The following COL22A1 variants were observed in gnomAD, a reference collection of about 807,000 sequenced individuals.
COL22A1 encodes the protein collagen alpha-1(XXII) chain.
COL22A1 carries 221 observed loss-of-function variants against 248.9 expected under a neutral mutation model. That is an observed-to-expected ratio of 0.89 (90% CI 0.80 to 0.99). COL22A1 has a LOEUF of 0.99. COL22A1 is among the 50% of genes least tolerant of loss of function. The probability of loss-of-function intolerance (pLI) is 0.00; values close to 1 mark genes in which losing one functional copy is unlikely to be tolerated. For missense variants in COL22A1, 2,240 were observed against 2,179.0 expected (o/e 1.03, Z -0.56); for synonymous variants, 891 against 793.4 (o/e 1.12, Z -2.07).
chr8:138,900,123 T>C (rs1814432680), intron 1 of COL22A1, among the ~76,000 whole-genome samples: 1 of 152,204 alleles, frequency 6.6e-6, no homozygotes, highest in East Asian at 1.9e-4. Context: ...TGCCAAAGAC[T>C]ATACCGCCCA....
intron 22 of COL22A1, among the ~76,000 whole-genome samples, chr8:138,741,310 A>T (rs1472346355): frequency 1.3e-5 from 2 of 152,240 alleles, no homozygotes; most frequent in African/African-American, 4.8e-5. Flanking sequence ...CCAAGAGCTA[A>T]CAAGTTAGAA....
At chr8:138,810,015 G>A (rs1818072339) in intron 9 of COL22A1, among the ~76,000 whole-genome samples, 2 of 152,172 alleles carry the variant, frequency 1.3e-5, no homozygotes, top group Non-Finnish European at 2.9e-5. Flanking sequence ...TCAATCTAAT[G>A]TGATAATTGT....
intron 39 of COL22A1, among the ~76,000 whole-genome samples, chr8:138,683,084 T>G (rs1587851272): frequency 6.6e-6 from 1 of 152,358 alleles, no homozygotes. Flanking sequence ...GAGCCCCCTC[T>G]GAGCCCACAT....
chr8:138,886,581 G>A (rs1409627401), intron 1 of COL22A1, among the ~76,000 whole-genome samples: 6 of 152,170 alleles, frequency 3.9e-5, no homozygotes, highest in African/African-American at 1.4e-4. Context: ...ATTCTGCCTA[G>A]GACTTACTAG....
chr8:138,716,140 C>T, intron 29 of COL22A1, 87 bp downstream of exon 29: 1 of 1,023,392 alleles, frequency 9.8e-7, no homozygotes, highest in Non-Finnish European at 1.5e-6. Context: ...TTATGACTGT[C>T]CCGAGGGACT....
At chr8:138,812,045 G>T in intron 8 of COL22A1, 124 bp from the exon 9 acceptor site, 1 of 1,175,398 alleles carries the variant, frequency 8.5e-7, no homozygotes, top group Non-Finnish European at 1.2e-6. Context: ...CGCTGAGGAT[G>T]TCTCTCCTGA....
chr8:138,664,046 C>G (rs1270858889), intron 41 of COL22A1, among the ~76,000 whole-genome samples: 1 of 151,732 alleles, frequency 6.6e-6, no homozygotes, highest in African/African-American at 2.4e-5. Context: ...TTGAACCTGG[C>G]AGCCCCGACT....
At chr8:138,808,378 A>C (rs1817905540) in intron 9 of COL22A1, among the ~76,000 whole-genome samples, 1 of 152,238 alleles carries the variant, frequency 6.6e-6, no homozygotes, top group East Asian at 1.9e-4. Flanking sequence ...AAATAAATTA[A>C]AAAACCCAAA....
At chr8:138,712,002 A>G (rs1298613884) in intron 30 of COL22A1, among the ~76,000 whole-genome samples, 2 of 152,176 alleles carry the variant, frequency 1.3e-5, no homozygotes, top group East Asian at 3.9e-4. Context: ...TCATCTATCA[A>G]GTGGGGATGT....
intron 44 of COL22A1, 121 bp downstream of exon 44, chr8:138,660,315 G>C (rs1823702136): frequency 7.5e-6 from 6 of 801,204 alleles, no homozygotes; most frequent in Non-Finnish European, 1.3e-5. Flanking sequence ...AGTTTCCTCT[G>C]CCCACAGTTT....
chr8:138,805,622 GGT>G (rs777805224), intron 10 of COL22A1, among the ~76,000 whole-genome samples: 1 of 136,406 alleles, frequency 7.3e-6, no homozygotes, highest in African/African-American at 2.9e-5. Context: ...GGTGTGTGAG[GGT>G]GTGTGTGTGT....
intron 25 of COL22A1, among the ~76,000 whole-genome samples, chr8:138,722,975 T>C (rs1830015052): frequency 2.0e-5 from 3 of 151,054 alleles, no homozygotes; most frequent in Admixed American, 1.3e-4. Flanking sequence ...GGTGATGGGT[T>C]GATCTATGCA....
intron 3 of COL22A1, among the ~76,000 whole-genome samples, chr8:138,875,249 G>T (rs1035612515): frequency 1.3e-5 from 2 of 152,150 alleles, no homozygotes; most frequent in African/African-American, 4.8e-5. Flanking sequence ...CTGGAGGCAT[G>T]GGGGAGAGGC....
intron 50 of COL22A1, among the ~76,000 whole-genome samples, chr8:138,627,125 C>T (rs568145553): frequency 2.2e-4 from 33 of 152,312 alleles, no homozygotes; most frequent in African/African-American, 7.7e-4. Flanking sequence ...CAACCCTCCC[C>T]ACATCACAAC....
intron 3 of COL22A1, among the ~76,000 whole-genome samples, chr8:138,862,869 C>T (rs377500721): frequency 6.6e-6 from 1 of 151,936 alleles, no homozygotes; most frequent in African/African-American, 2.4e-5. Flanking sequence ...GACTTGTGCC[C>T]AGCGTCCCCT....
chr8:138,689,618 G>T (rs1826661786), intron 36 of COL22A1, among the ~76,000 whole-genome samples: 1 of 152,136 alleles, frequency 6.6e-6, no homozygotes, highest in Non-Finnish European at 1.5e-5. Flanking sequence ...GGGAAGCTGA[G>T]GCAAGAGAAT....
chr8:138,878,057 C>G lies in COL22A1; in HGVS notation c.351G>C (p.Thr117=). 6.3e-7 allele frequency: 1 copy of G among 1,595,546 alleles called. No individual in the cohort carries two copies. The highest frequency in any genetic ancestry group is 8.5e-7 in the Non-Finnish European group (1 of 1,171,716). The change falls in exon 3 of 65, where the codon ACG becomes ACC. Residue 117 remains threonine (T), a synonymous_variant. Transcript: ENST00000303045. ...RLAYHGGNTN[T]GDALRYITAR... ...CCGTGATGTAGCGGAGCGCGTCTCC[C>G]GTGTTGGTGTTGCCCCCGTGGTAGG...
intron 18 of COL22A1, among the ~76,000 whole-genome samples, chr8:138,757,666 AG>A (rs1678390670): frequency 6.6e-6 from 1 of 152,220 alleles, no homozygotes; most frequent in African/African-American, 2.4e-5. Context: ...GCTTTTCTTC[AG>A]GGACTGGACA....
chr8:138,625,885 T>A (rs189126066), intron 51 of COL22A1, among the ~76,000 whole-genome samples: 150 of 152,288 alleles, frequency 9.8e-4, no homozygotes, highest in African/African-American at 3.5e-3. Context: ...GTTTTAACAA[T>A]ATAAACATAT....
Sources: allele counts gnomAD v4.1 joint callset (sites outside exome capture counted in the v4.1 genomes callset), GRCh38; gene constraint gnomAD v4.1.1; transcripts MANE v1.5; gene names NCBI Gene and HGNC (gene_info 2026-07-23, HGNC 2026-07-21).